Variants in VPS41 observed in about 807,000 individuals in gnomAD.
VPS41 encodes VPS41 subunit of HOPS complex, also known as vacuolar protein sorting-associated protein 41 homolog.
Under a neutral mutation model 130.9 loss-of-function variants are expected in VPS41, and 85 were observed. That is an observed-to-expected ratio of 0.65 (90% CI 0.55 to 0.78). The LOEUF (loss-of-function observed/expected upper bound fraction) is 0.78, where lower values mean the gene tolerates loss of function less well. VPS41 is among the 30% of genes least tolerant of loss of function. The pLI is 0.00. For missense variants in VPS41, 874 were observed against 1,018.7 expected (o/e 0.86, Z 1.93); for synonymous variants, 335 against 332.9 (o/e 1.01, Z -0.07).
chr7:38,857,333 A>G (rs1786008942), intron 4 of VPS41, among the ~76,000 whole-genome samples: 1 of 152,200 alleles, frequency 6.6e-6, no homozygotes, highest in African/African-American at 2.4e-5. Context: ...AATGTCTCTT[A>G]CTATAGTGCC....
intron 4 of VPS41, among the ~76,000 whole-genome samples, chr7:38,857,460 A>T (rs1049713903): frequency 6.6e-6 from 1 of 152,344 alleles, no homozygotes; most frequent in East Asian, 1.9e-4. Context: ...AGCACACTTA[A>T]AGGAATAAAT....
rs976352 is a variant in VPS41 at position 38,773,990 on chromosome 7, A to G, written c.1012+125T>C. ...AAATGTCCTTGTTTTCAGCACACAC[A>G]GTCTACGCAGGTATTCTCTTAAGAT... On this transcript the variant is annotated intron_variant, in intron 12 of 28. Coordinates refer to ENST00000310301, the MANE Select transcript of VPS41 (RefSeq NM_014396.4). The G allele has an allele frequency of 0.92, 831,740 of 905,680 alleles. 382,512 individuals are homozygous for G. The highest frequency in any genetic ancestry group is 0.99 in the East Asian group (36,568 of 36,900). 56.1% of individuals were successfully genotyped at this position (905,680 alleles called of 1,614,324 possible). A position where few individuals can be genotyped will look rare whatever the true frequency, so the allele number is the denominator to read the frequency against.
chr7:38,806,948 G>A (rs980827615), intron 7 of VPS41, among the ~76,000 whole-genome samples: 3 of 152,174 alleles, frequency 2.0e-5, no homozygotes, highest in African/African-American at 7.2e-5. Context: ...CAGGACAGAA[G>A]CAAGACCACT....
chr7:38,747,925 GGAAT>G (rs1250238276), intron 22 of VPS41, among the ~76,000 whole-genome samples: 3 of 152,308 alleles, frequency 2.0e-5, no homozygotes, highest in Admixed American at 1.3e-4. Context: ...GCTGAAGTTA[GGAAT>G]GACACGGAAT....
intron 22 of VPS41, among the ~76,000 whole-genome samples, chr7:38,749,071 A>T (rs1382307896): frequency 6.6e-6 from 1 of 152,330 alleles, no homozygotes; most frequent in East Asian, 1.9e-4. Flanking sequence ...CAAACTCTGT[A>T]TTTCCTTTAG....
At chr7:38,758,237 G>A in intron 18 of VPS41, 117 bp downstream of exon 18, 1 of 924,946 alleles carries the variant, frequency 1.1e-6, no homozygotes, top group Non-Finnish European at 1.6e-6. Context: ...TACTAAGAAG[G>A]AATGTAGGAA....
intron 25 of VPS41, among the ~76,000 whole-genome samples, chr7:38,734,400 C>G (rs566592696): frequency 6.6e-6 from 1 of 152,138 alleles, no homozygotes. Context: ...CTTCCCTTTT[C>G]GTCATTTTGA....
At chr7:38,809,036 A>T (rs1784888581) in intron 7 of VPS41, among the ~76,000 whole-genome samples, 1 of 152,216 alleles carries the variant, frequency 6.6e-6, no homozygotes, top group Admixed American at 6.5e-5. Flanking sequence ...TTAAATACTT[A>T]AAATTTACCA....
At chr7:38,892,286 G>A (rs924332340) in intron 2 of VPS41, among the ~76,000 whole-genome samples, 8 of 152,000 alleles carry the variant, frequency 5.3e-5, no homozygotes, top group Admixed American at 2.0e-4. Flanking sequence ...GTCAAACTAC[G>A]GGATCCAAAT....
At chr7:38,799,244 C>A (rs556946684) in intron 7 of VPS41, among the ~76,000 whole-genome samples, 1 of 152,176 alleles carries the variant, frequency 6.6e-6, no homozygotes, top group East Asian at 1.9e-4. Flanking sequence ...AACAAAAGAA[C>A]TTAAAAGTAA....
intron 3 of VPS41, 106 bp from the exon 4 acceptor site, chr7:38,862,728 T>G: frequency 1.5e-6 from 1 of 656,272 alleles, no homozygotes. Flanking sequence ...ATAAATGATC[T>G]GCAATGTCTC....
At chr7:38,765,494 G>C (rs1477723072) in intron 16 of VPS41, 86 bp downstream of exon 16, 4 of 880,980 alleles carry the variant, frequency 4.5e-6, no homozygotes, top group Non-Finnish European at 6.9e-6. Flanking sequence ...TCCTAAAAAA[G>C]AGCTGAGTAC....
chr7:38,739,926 C>A (rs536273327), intron 25 of VPS41, among the ~76,000 whole-genome samples: 2 of 152,282 alleles, frequency 1.3e-5, no homozygotes, highest in South Asian at 4.1e-4. Context: ...ATTCATTTTG[C>A]ATCTAATAAT....
At chr7:38,788,875 G>T (rs989048798) in intron 10 of VPS41, among the ~76,000 whole-genome samples, 6 of 152,068 alleles carry the variant, frequency 3.9e-5, no homozygotes, top group African/African-American at 1.5e-4. Context: ...TAGTCATGTG[G>T]GTAATGTATG....
At chr7:38,742,617 A>C (rs1367180543) in intron 24 of VPS41, among the ~76,000 whole-genome samples, 1 of 152,156 alleles carries the variant, frequency 6.6e-6, no homozygotes, top group Non-Finnish European at 1.5e-5. Flanking sequence ...ATGTTCTGCC[A>C]CATCACTTTG....
chr7:38,750,950 C>T lies in VPS41; in HGVS notation c.1926+1226G>A, dbSNP rs118042062. 1.6e-3 allele frequency among the ~76,000 whole-genome samples: 248 copies of T among 152,310 alleles called. 1 individual carries two copies. The highest frequency in any genetic ancestry group is 2.4e-3 in the Non-Finnish European group (162 of 68,018). ...AGCACTGTTCAAAGAATAAGATTCT[C>T]ACTCTATTGCCAGGTTATAAAGTCC... On this transcript the variant is annotated intron_variant, in intron 22 of 28. Transcript: ENST00000310301.
At chr7:38,900,846 T>C (rs1787124903) in intron 1 of VPS41, among the ~76,000 whole-genome samples, 2 of 152,232 alleles carry the variant, frequency 1.3e-5, no homozygotes, top group African/African-American at 2.4e-5. Flanking sequence ...AAGCAATGCA[T>C]GAGTGATGTC....
At chr7:38,794,820 G>C (rs1276829198) in intron 9 of VPS41, among the ~76,000 whole-genome samples, 1 of 152,088 alleles carries the variant, frequency 6.6e-6, no homozygotes, top group East Asian at 1.9e-4. Flanking sequence ...TTTTTAAAGG[G>C]AAACAACTTT....
intron 23 of VPS41, 43 bp downstream of exon 23, chr7:38,745,516 A>G: frequency 6.7e-7 from 1 of 1,497,780 alleles, no homozygotes; most frequent in Non-Finnish European, 9.3e-7. Flanking sequence ...TTGTCATCCC[A>G]TTTCTTAGTT....
Sources: gnomAD v4.1 joint callset for allele counts (sites outside exome capture counted in the v4.1 genomes callset) on GRCh38, gnomAD v4.1.1 for gene constraint, MANE v1.5 for transcripts, NCBI Gene and HGNC (gene_info 2026-07-23, HGNC 2026-07-21) for gene names.